The following DPP10 variants were observed in gnomAD, a reference collection of about 807,000 sequenced individuals.
DPP10 encodes dipeptidyl peptidase like 10, also known as inactive dipeptidyl peptidase 10.
DPP10 carries 33 observed loss-of-function variants against 120.9 expected under a neutral mutation model. The observed-to-expected ratio is 0.27, with a 90% CI of 0.21 to 0.37. DPP10 has a LOEUF of 0.37. Among genes scored for constraint, DPP10 ranks in the 10% least tolerant of loss-of-function variants. The pLI, the probability that DPP10 is intolerant of heterozygous loss-of-function variation, is 1.00. For synonymous variants in DPP10, 337 were observed against 326.1 expected (o/e 1.03, Z -0.36); for missense variants, 816 against 942.8 (o/e 0.87, Z 1.76).
intron 8 of DPP10, among the ~76,000 whole-genome samples, chr2:115,731,885 G>T (rs1241581836): frequency 1.3e-5 from 2 of 152,106 alleles, no homozygotes; most frequent in Non-Finnish European, 2.9e-5. Context: ...AGATGTTTTT[G>T]ATTTTCCCTC....
At chr2:115,311,055 A>G (rs1050113257) in intron 2 of DPP10, among the ~76,000 whole-genome samples, 10 of 151,984 alleles carry the variant, frequency 6.6e-5, no homozygotes, top group East Asian at 3.9e-4. Flanking sequence ...ACCCTTTTCA[A>G]TTTTTCCCAG....
chr2:115,778,247 G>A (rs1415367054), intron 15 of DPP10, among the ~76,000 whole-genome samples: 5 of 152,066 alleles, frequency 3.3e-5, no homozygotes, highest in African/African-American at 7.2e-5. Context: ...GTTGTGAACA[G>A]TTAGTCTAGT....
chr2:115,100,459 AACACAC>A (rs142076600), intron 1 of DPP10, among the ~76,000 whole-genome samples: 1 of 150,370 alleles, frequency 6.7e-6, no homozygotes, highest in East Asian at 2.0e-4. Context: ...TAAATTAAAA[AACACAC>A]ACACACACAC....
At chr2:115,005,049 G>A (rs932536413) in intron 1 of DPP10, among the ~76,000 whole-genome samples, 1 of 151,658 alleles carries the variant, frequency 6.6e-6, no homozygotes, top group Non-Finnish European at 1.5e-5. Context: ...TCCTCAAGTG[G>A]GTCCCTGACC....
At chr2:115,169,446 C>CATAT (rs139194459) in intron 1 of DPP10, among the ~76,000 whole-genome samples, 8 of 151,826 alleles carry the variant, frequency 5.3e-5, no homozygotes, top group African/African-American at 1.4e-4. Context: ...TATACACACA[C>CATAT]ATATATATAT....
At chr2:114,695,559 G>C (rs1286344790) in intron 1 of DPP10, among the ~76,000 whole-genome samples, 1 of 152,050 alleles carries the variant, frequency 6.6e-6, no homozygotes, top group Non-Finnish European at 1.5e-5. Flanking sequence ...CAAGTGTCTA[G>C]ATTGGATTTT....
intron 1 of DPP10, among the ~76,000 whole-genome samples, chr2:114,647,415 C>T (rs1173027250): frequency 6.6e-6 from 1 of 152,130 alleles, no homozygotes; most frequent in Non-Finnish European, 1.5e-5. Context: ...ACTAAAACTG[C>T]TGAAAATACC....
chr2:115,330,065 G>T (rs575361920), intron 2 of DPP10, among the ~76,000 whole-genome samples: 13 of 152,146 alleles, frequency 8.5e-5, no homozygotes, highest in Admixed American at 2.0e-4. Context: ...CAGTGTAAAA[G>T]TGTTCCTATT....
chr2:115,011,400 T>A (rs1702253912), intron 1 of DPP10, among the ~76,000 whole-genome samples: 1 of 152,214 alleles, frequency 6.6e-6, no homozygotes, highest in Non-Finnish European at 1.5e-5. Flanking sequence ...ATTGTGGAAT[T>A]GTCTGTTTCT....
intron 5 of DPP10, among the ~76,000 whole-genome samples, chr2:115,641,082 C>A (rs1431135213): frequency 6.6e-6 from 1 of 152,096 alleles, no homozygotes; most frequent in East Asian, 1.9e-4. Context: ...GGAAAGTACT[C>A]CTGCAACAGC....
chr2:114,743,118 G>A (rs956820535), intron 1 of DPP10, among the ~76,000 whole-genome samples: 2 of 152,122 alleles, frequency 1.3e-5, no homozygotes, highest in Non-Finnish European at 2.9e-5. Flanking sequence ...TAATAGCTCT[G>A]CCTAACATGA....
intron 3 of DPP10, among the ~76,000 whole-genome samples, chr2:115,461,616 CA>C (rs2073990344): frequency 6.6e-6 from 1 of 152,124 alleles, no homozygotes; most frequent in South Asian, 2.1e-4. Context: ...TCACAATATA[CA>C]GGCACATCAA....
intron 1 of DPP10, among the ~76,000 whole-genome samples, chr2:115,051,362 A>C (rs961324305): frequency 7.0e-6 from 1 of 142,086 alleles, no homozygotes; most frequent in African/African-American, 2.5e-5. Context: ...TAAAAAGTAC[A>C]CATTTAAGGT....
chr2:115,603,906 TTAAAC>T (rs1167280076), intron 5 of DPP10, among the ~76,000 whole-genome samples: 1 of 152,166 alleles, frequency 6.6e-6, no homozygotes, highest in Non-Finnish European at 1.5e-5. Flanking sequence ...TATGCAAAAT[TTAAAC>T]TAAAGGAAAC....
At chr2:114,663,699 ACTG>A (rs1697672474) in intron 1 of DPP10, among the ~76,000 whole-genome samples, 1 of 147,710 alleles carries the variant, frequency 6.8e-6, no homozygotes, top group African/African-American at 2.5e-5. Context: ...AGAGAGAGAA[ACTG>A]ACTGACTTGG....
At chr2:115,172,156 T>C (rs1167424284) in intron 1 of DPP10, among the ~76,000 whole-genome samples, 3 of 152,092 alleles carry the variant, frequency 2.0e-5, no homozygotes, top group African/African-American at 2.4e-5. Context: ...TGCATGCAGG[T>C]AAATTTTAGA....
At chr2:115,491,822 C>A (rs1239434394) in intron 3 of DPP10, among the ~76,000 whole-genome samples, 2 of 152,108 alleles carry the variant, frequency 1.3e-5, no homozygotes, top group African/African-American at 4.8e-5. Context: ...GCTCTGTCAA[C>A]TGGATTAACA....
intron 7 of DPP10, among the ~76,000 whole-genome samples, chr2:115,725,682 T>G (rs1227969490): frequency 6.6e-6 from 1 of 152,222 alleles, no homozygotes; most frequent in African/African-American, 2.4e-5. Context: ...CATATTACTT[T>G]GGGTGAGGTC....
chr2:115,060,604 A>G (rs1045052985), intron 1 of DPP10, among the ~76,000 whole-genome samples: 4 of 152,216 alleles, frequency 2.6e-5, no homozygotes, highest in African/African-American at 9.6e-5. Flanking sequence ...ATTGATAGAT[A>G]GAATAATAGA....
Sources: allele counts gnomAD v4.1 joint callset (sites outside exome capture counted in the v4.1 genomes callset), GRCh38; gene constraint gnomAD v4.1.1; transcripts MANE v1.5; gene names NCBI Gene and HGNC (gene_info 2026-07-23, HGNC 2026-07-21).